Variants in GRID2 observed in about 807,000 individuals in gnomAD.
GRID2 encodes glutamate ionotropic receptor delta type subunit 2, also known as glutamate receptor ionotropic, delta-2.
A neutral mutation model predicts 114.8 loss-of-function variants in GRID2; 33 were observed. The ratio of observed to expected loss-of-function variants is 0.29; its 90% CI spans 0.22 to 0.38. The LOEUF is 0.38. GRID2 is among the 10% of genes least tolerant of loss of function. The pLI, the probability that GRID2 is intolerant of heterozygous loss-of-function variation, is 1.00. For missense variants in GRID2, 1,184 were observed against 1,257.7 expected (o/e 0.94, Z 0.89); for synonymous variants, 505 against 449.9 (o/e 1.12, Z -1.55).
At chr4:92,641,235 T>A (rs989790046) in intron 2 of GRID2, among the ~76,000 whole-genome samples, 68 of 151,768 alleles carry the variant, frequency 4.5e-4, no homozygotes, top group African/African-American at 1.5e-3. Flanking sequence ...ATCCTAAATA[T>A]ATATATTATG....
intron 2 of GRID2, among the ~76,000 whole-genome samples, chr4:92,863,872 A>G (rs972342615): frequency 1.3e-5 from 2 of 152,140 alleles, no homozygotes; most frequent in African/African-American, 4.8e-5. Context: ...TATGACCTCA[A>G]TTAGAGTGAA....
At chr4:93,031,244 C>A (rs550224673) in intron 2 of GRID2, among the ~76,000 whole-genome samples, 1 of 151,924 alleles carries the variant, frequency 6.6e-6, no homozygotes, top group Non-Finnish European at 1.5e-5. Flanking sequence ...CTGGGTTTCA[C>A]CATATTGGCC....
intron 8 of GRID2, among the ~76,000 whole-genome samples, chr4:93,378,794 T>C (rs1323793300): frequency 1.3e-5 from 2 of 152,120 alleles, no homozygotes; most frequent in African/African-American, 4.8e-5. Flanking sequence ...CATCTGGTGC[T>C]CTATTCTGCT....
At chr4:93,656,341 A>G (rs894706561) in intron 14 of GRID2, among the ~76,000 whole-genome samples, 2 of 152,152 alleles carry the variant, frequency 1.3e-5, no homozygotes, top group Non-Finnish European at 2.9e-5. Flanking sequence ...GGCATTGAGA[A>G]TAATAAGTAC....
intron 2 of GRID2, among the ~76,000 whole-genome samples, chr4:92,971,603 A>G (rs1037826301): frequency 2.0e-5 from 3 of 152,010 alleles, no homozygotes; most frequent in Non-Finnish European, 4.4e-5. Context: ...TGTTAATCGT[A>G]TTCATGCTGC....
intron 8 of GRID2, among the ~76,000 whole-genome samples, chr4:93,289,998 G>A (rs1424718552): frequency 6.6e-6 from 1 of 152,160 alleles, no homozygotes; most frequent in Non-Finnish European, 1.5e-5. Flanking sequence ...ACAGTTACAT[G>A]ATTTCCAGTG....
At chr4:92,761,802 C>A (rs1738023884) in intron 2 of GRID2, among the ~76,000 whole-genome samples, 1 of 152,136 alleles carries the variant, frequency 6.6e-6, no homozygotes, top group African/African-American at 2.4e-5. Flanking sequence ...CTCAAATCAG[C>A]CACTTCCTCA....
chr4:92,748,233 A>C (rs968832237), intron 2 of GRID2, among the ~76,000 whole-genome samples: 7 of 152,194 alleles, frequency 4.6e-5, no homozygotes, highest in African/African-American at 1.7e-4. Context: ...CAGCTAAGGT[A>C]ATTTGTTTGG....
At chr4:92,648,653 C>G (rs1306630279) in intron 2 of GRID2, among the ~76,000 whole-genome samples, 1 of 149,012 alleles carries the variant, frequency 6.7e-6, no homozygotes. Context: ...AATGGTCAAA[C>G]AAGCGGTTGA....
intron 2 of GRID2, among the ~76,000 whole-genome samples, chr4:93,016,513 A>G (rs968246510): frequency 2.6e-5 from 4 of 152,172 alleles, no homozygotes; most frequent in Non-Finnish European, 4.4e-5. Flanking sequence ...TTTAGAATCC[A>G]TGTACTTTAC....
chr4:93,107,213 C>T (rs1732323218), intron 3 of GRID2, among the ~76,000 whole-genome samples: 2 of 152,024 alleles, frequency 1.3e-5, no homozygotes, highest in Non-Finnish European at 2.9e-5. Flanking sequence ...GTGGGAGGAT[C>T]GCTTAAGCCT....
intron 1 of GRID2, among the ~76,000 whole-genome samples, chr4:92,443,993 A>G (rs1390346628): frequency 1.3e-5 from 2 of 152,126 alleles, no homozygotes. Context: ...AAGAGTGGAA[A>G]GGAGAAAGTG....
chr4:92,977,162 T>G (rs1377565018), intron 2 of GRID2, among the ~76,000 whole-genome samples: 1 of 152,164 alleles, frequency 6.6e-6, no homozygotes, highest in African/African-American at 2.4e-5. Context: ...AATTACGTAT[T>G]AAAATATGTA....
At chr4:93,753,789 G>A (rs569158219) in intron 14 of GRID2, among the ~76,000 whole-genome samples, 1 of 152,144 alleles carries the variant, frequency 6.6e-6, no homozygotes, top group Admixed American at 6.5e-5. Flanking sequence ...CGTGAATAGT[G>A]CCAATATATG....
At chr4:93,197,806 A>C (rs1741654301) in intron 4 of GRID2, among the ~76,000 whole-genome samples, 1 of 152,136 alleles carries the variant, frequency 6.6e-6, no homozygotes, top group Non-Finnish European at 1.5e-5. Flanking sequence ...CCATTTACTC[A>C]ACTTTCATTT....
At chr4:93,150,675 G>A (rs1309147907) in intron 4 of GRID2, among the ~76,000 whole-genome samples, 1 of 151,824 alleles carries the variant, frequency 6.6e-6, no homozygotes, top group Non-Finnish European at 1.5e-5. Flanking sequence ...TAGTGTCTGT[G>A]TCCTCTCTGA....
At chr4:92,652,978 A>C (rs1732039282) in intron 2 of GRID2, among the ~76,000 whole-genome samples, 1 of 143,988 alleles carries the variant, frequency 6.9e-6, no homozygotes, top group African/African-American at 2.5e-5. Flanking sequence ...TTATAAATAC[A>C]TATAAATATA....
chr4:92,625,036 A>T (rs939813837), intron 2 of GRID2, among the ~76,000 whole-genome samples: 2 of 151,694 alleles, frequency 1.3e-5, no homozygotes, highest in African/African-American at 4.8e-5. Flanking sequence ...TCATTTTCTC[A>T]CTGTGATAAT....
intron 12 of GRID2, among the ~76,000 whole-genome samples, chr4:93,507,629 A>G (rs953419902): frequency 6.6e-6 from 1 of 152,136 alleles, no homozygotes; most frequent in Non-Finnish European, 1.5e-5. Flanking sequence ...TTTGCTTCCA[A>G]TATTTCAGTG....
Sources: gnomAD v4.1 joint callset for allele counts (sites outside exome capture counted in the v4.1 genomes callset) on GRCh38, gnomAD v4.1.1 for gene constraint, MANE v1.5 for transcripts, NCBI Gene and HGNC (gene_info 2026-07-23, HGNC 2026-07-21) for gene names.